EXOC4: variants seen among roughly 807,000 people sequenced by gnomAD.
The protein encoded by EXOC4 is exocyst complex component 4, also known as SEC8-like 1.
Under a neutral mutation model 107.2 loss-of-function variants are expected in EXOC4, and 71 were observed. That is an observed-to-expected ratio of 0.66 (90% CI 0.55 to 0.81). The LOEUF is 0.81. EXOC4 is among the 30% of genes least tolerant of loss of function. EXOC4 has a pLI of 0.00. For missense variants in EXOC4, 1,108 were observed against 1,189.6 expected (o/e 0.93, Z 1.01); for synonymous variants, 456 against 441.2 (o/e 1.03, Z -0.42).
intron 10 of EXOC4, among the ~76,000 whole-genome samples, chr7:133,785,226 A>G (rs1334233875): frequency 6.6e-6 from 1 of 152,124 alleles, no homozygotes; most frequent in African/African-American, 2.4e-5. Context: ...GTTTGCCTAC[A>G]TGGGTAATTT....
chr7:133,293,715 T>G (rs553832093), intron 3 of EXOC4, among the ~76,000 whole-genome samples: 1 of 152,354 alleles, frequency 6.6e-6, no homozygotes, highest in East Asian at 1.9e-4. Flanking sequence ...ATAAAATAAT[T>G]AAATTGTCAT....
intron 17 of EXOC4, among the ~76,000 whole-genome samples, chr7:134,063,656 C>G (rs1323419898): frequency 6.6e-6 from 1 of 152,124 alleles, no homozygotes; most frequent in Non-Finnish European, 1.5e-5. Flanking sequence ...TGTCTCCGAG[C>G]TACTTGAGGA....
chr7:133,337,978 C>A (rs1298706551), intron 5 of EXOC4, among the ~76,000 whole-genome samples: 1 of 149,876 alleles, frequency 6.7e-6, no homozygotes, highest in Non-Finnish European at 1.5e-5. Context: ...GTGAAAGTAG[C>A]TAGCAGTTTG....
At chr7:133,625,789 C>A (rs548303299) in intron 9 of EXOC4, among the ~76,000 whole-genome samples, 5 of 152,060 alleles carry the variant, frequency 3.3e-5, no homozygotes, top group Admixed American at 1.3e-4. Context: ...CATCATCATT[C>A]GACATTTTCT....
At chr7:133,448,103 G>A (rs1249839768) in intron 7 of EXOC4, among the ~76,000 whole-genome samples, 1 of 152,128 alleles carries the variant, frequency 6.6e-6, no homozygotes, top group Non-Finnish European at 1.5e-5. Context: ...TTAAAAAGTG[G>A]CTCTAGGTGA....
rs1321311334 is a variant in EXOC4, at chr7:134,027,075, G to C, written c.2687+19240G>C. Among the ~76,000 whole-genome samples the C allele has an allele frequency of 2.0e-5, 3 of 152,010 alleles. No individual in the cohort carries two copies. In the East Asian group the frequency reaches 5.8e-4, roughly 29 times the overall value. On this transcript the variant is annotated intron_variant, in intron 17 of 17. Transcript: ENST00000253861. ...ATTCACACAAAAATAAAACTATCAAGGTGATTGCTATCAAGGAAAAGAAAA... is the reference window on the plus strand; with the variant it reads ...ATTCACACAAAAATAAAACTATCAACGTGATTGCTATCAAGGAAAAGAAAA...
chr7:133,924,644 T>C (rs1327267351), intron 13 of EXOC4, among the ~76,000 whole-genome samples: 1 of 152,252 alleles, frequency 6.6e-6, no homozygotes, highest in East Asian at 1.9e-4. Context: ...TATAACTAAA[T>C]GTAATGTTAT....
chr7:133,570,128 T>A (rs1438133602), intron 9 of EXOC4, among the ~76,000 whole-genome samples: 3 of 152,206 alleles, frequency 2.0e-5, no homozygotes, highest in African/African-American at 7.2e-5. Context: ...AAGTTAGCAG[T>A]GTCAATATAT....
In EXOC4 at chr7:133,374,828, G is replaced by T. The variant is rs1273561595; in HGVS notation, c.1008G>T (p.Arg336Ser). 1 of 1,611,368 alleles carries T rather than the reference G, an allele frequency of 6.2e-7. No homozygotes were observed. Among genetic ancestry groups the T allele is most frequent in the East Asian group, 2.2e-5 (1 of 44,808 alleles). The change falls in exon 7 of 18, where the codon AGG becomes AGT. Residue 336 changes from arginine (R) to serine (S), a missense_variant and splice_region_variant. Coordinates refer to ENST00000253861, the MANE Select transcript of EXOC4 (RefSeq NM_021807.4). ...GENVTVENQP[R>S]LLLELLELLF... ...GTTATTTATTTGTTTATGCCACTAG[G>T]TTGCTTCTAGAACTGCTGGAGTTAC...
chr7:133,382,755 A>C (rs1192349894), intron 7 of EXOC4, among the ~76,000 whole-genome samples: 1 of 152,202 alleles, frequency 6.6e-6, no homozygotes, highest in East Asian at 1.9e-4. Flanking sequence ...TGTATATTAA[A>C]TTCTTTGTAT....
chr7:133,779,825 C>T (rs540148165), intron 10 of EXOC4, among the ~76,000 whole-genome samples: 1 of 152,248 alleles, frequency 6.6e-6, no homozygotes, highest in South Asian at 2.1e-4. Context: ...GACCAATCAG[C>T]AGGACATGGG....
intron 3 of EXOC4, among the ~76,000 whole-genome samples, chr7:133,299,578 G>A (rs972951913): frequency 2.2e-4 from 34 of 152,158 alleles, no homozygotes; most frequent in Non-Finnish European, 8.8e-5. Context: ...CGCATTTCAT[G>A]GTAGTAATAG....
chr7:133,762,942 T>C (rs1253240461), intron 10 of EXOC4, among the ~76,000 whole-genome samples: 1 of 152,178 alleles, frequency 6.6e-6, no homozygotes, highest in Non-Finnish European at 1.5e-5. Flanking sequence ...TATTTTTATA[T>C]CATGTATATA....
At chr7:133,743,237 A>T (rs1795605688) in intron 10 of EXOC4, among the ~76,000 whole-genome samples, 1 of 152,188 alleles carries the variant, frequency 6.6e-6, no homozygotes. Flanking sequence ...ATGGGTTTTC[A>T]ATAATTACTT....
intron 10 of EXOC4, among the ~76,000 whole-genome samples, chr7:133,758,595 A>G (rs1204268153): frequency 6.6e-6 from 1 of 152,256 alleles, no homozygotes; most frequent in Non-Finnish European, 1.5e-5. Context: ...ACAGAGTCAC[A>G]TATACAGATG....
rs1356063575 is a variant in EXOC4 at position 133,606,519 on chromosome 7, T to TATTA, written c.1418-23526_1418-23525insATTA. Reference sequence around the variant, plus strand: ...TGTTTATTATTATTATTATTATTATTTTTTTTTTTTTTTGAGGTGGAGTCT... The same window carrying TATTA: ...TGTTTATTATTATTATTATTATTATTATTATTTTTTTTTTTTTGAGGTGGAGTCT... On this transcript the variant is annotated intron_variant, in intron 9 of 17. Transcript: ENST00000253861. 9.7e-3 allele frequency among the ~76,000 whole-genome samples: 1,189 copies of TATTA among 122,072 alleles called. 16 individuals carry two copies. Among genetic ancestry groups the TATTA allele is most frequent in the African/African-American group, 0.037 (1,118 of 30,238 alleles). 80.1% of individuals were successfully genotyped at this position (122,072 alleles called of 152,430 possible). A position where few individuals can be genotyped will look rare whatever the true frequency, so the allele number is the denominator to read the frequency against.
At chr7:133,544,846 T>C (rs200854156) in intron 9 of EXOC4, among the ~76,000 whole-genome samples, 82 of 132,726 alleles carry the variant, frequency 6.2e-4, no homozygotes, top group African/African-American at 1.3e-3. Context: ...TTTTTTTTTT[T>C]CCCCTGGTCA....
intron 14 of EXOC4, among the ~76,000 whole-genome samples, chr7:133,982,552 C>G (rs1319512593): frequency 1.3e-5 from 2 of 151,714 alleles, no homozygotes; most frequent in East Asian, 3.9e-4. Context: ...ACTCTGTCTC[C>G]AAAACAAAAC....
At chr7:133,285,459 C>A (rs117289987) in intron 2 of EXOC4, among the ~76,000 whole-genome samples, 9 of 152,154 alleles carry the variant, frequency 5.9e-5, no homozygotes, top group African/African-American at 2.2e-4. Context: ...CTGGGAAATA[C>A]TTATCTCTTA....
Sources: allele counts gnomAD v4.1 joint callset (sites outside exome capture counted in the v4.1 genomes callset), GRCh38; gene constraint gnomAD v4.1.1; transcripts MANE v1.5; gene names NCBI Gene and HGNC (gene_info 2026-07-23, HGNC 2026-07-21).